Variants in SPAST observed in about 807,000 individuals in gnomAD.
The protein encoded by SPAST is spastin, also known as spastic paraplegia 4 (autosomal dominant; spastin).
SPAST carries 30 observed loss-of-function variants against 76.6 expected under a neutral mutation model. That is an observed-to-expected ratio of 0.39 (90% CI 0.29 to 0.53). The LOEUF is 0.53. Among genes scored for constraint, SPAST ranks in the 20% least tolerant of loss-of-function variants. The pLI is 0.68. For synonymous variants in SPAST, 305 were observed against 281.0 expected (o/e 1.09, Z -0.86); for missense variants, 717 against 770.5 (o/e 0.93, Z 0.82).
intron 7 of SPAST, among the ~76,000 whole-genome samples, chr2:32,123,272 A>G (rs1027997120): frequency 2.6e-5 from 4 of 151,310 alleles, no homozygotes; most frequent in African/African-American, 9.7e-5. Context: ...AAAAAAAAAA[A>G]CACAATACCT....
At chr2:32,106,163 G>C (rs1678311943) in intron 4 of SPAST, among the ~76,000 whole-genome samples, 1 of 152,194 alleles carries the variant, frequency 6.6e-6, no homozygotes, top group South Asian at 2.1e-4. Flanking sequence ...AGCAATGGCA[G>C]ATGCCCCCGC....
chr2:32,070,583 G>T (rs1676707765), intron 1 of SPAST, among the ~76,000 whole-genome samples: 1 of 152,176 alleles, frequency 6.6e-6, no homozygotes, highest in Admixed American at 6.5e-5. Flanking sequence ...AGTGAGATGT[G>T]TTAAAACATT....
intron 3 of SPAST, among the ~76,000 whole-genome samples, chr2:32,097,180 G>A (rs545883696): frequency 6.6e-5 from 10 of 152,312 alleles, no homozygotes; most frequent in Admixed American, 5.2e-4. Context: ...TGCAGCAGTA[G>A]TTTAGAGTGT....
At chr2:32,141,760 T>C in intron 12 of SPAST, 144 bp from the exon 13 acceptor site, 1 of 655,406 alleles carries the variant, frequency 1.5e-6, no homozygotes, top group Non-Finnish European at 2.6e-6. Flanking sequence ...TTTAAAAGAG[T>C]AACAAAAATA....
At chr2:32,147,618 TTTTG>T (rs71407418) in intron 16 of SPAST, among the ~76,000 whole-genome samples, 4,730 of 118,910 alleles carry the variant, frequency 0.04, 136 homozygotes, top group African/African-American at 0.1. Context: ...CATCTGGCTG[TTTTG>T]TTTGTTTGTT....
intron 1 of SPAST, among the ~76,000 whole-genome samples, chr2:32,072,129 G>A (rs1169813183): frequency 2.0e-5 from 3 of 152,076 alleles, no homozygotes; most frequent in South Asian, 4.1e-4. Flanking sequence ...TGCAAGCTCC[G>A]CCTCCTGTGT....
chr2:32,133,935 C>G (rs1679452271), intron 9 of SPAST, among the ~76,000 whole-genome samples: 1 of 152,144 alleles, frequency 6.6e-6, no homozygotes, highest in Admixed American at 6.5e-5. Context: ...TTAAAATGTT[C>G]TCAATATTCT....
chr2:32,143,766 T>C (rs1227887932), intron 14 of SPAST, among the ~76,000 whole-genome samples: 1 of 152,136 alleles, frequency 6.6e-6, no homozygotes, highest in Non-Finnish European at 1.5e-5. Flanking sequence ...GAGTCAGGAA[T>C]GGTGGCACAT....
At chr2:32,131,361 G>A (rs185311583) in intron 9 of SPAST, among the ~76,000 whole-genome samples, 338 of 152,282 alleles carry the variant, frequency 2.2e-3, no homozygotes, top group Admixed American at 4.2e-3. Flanking sequence ...CATATTCATT[G>A]ATAGGATTAT....
chr2:32,086,015 C>G (rs1677460112), intron 1 of SPAST, among the ~76,000 whole-genome samples: 1 of 151,194 alleles, frequency 6.6e-6, no homozygotes, highest in Non-Finnish European at 1.5e-5. Flanking sequence ...GCACTGCAGC[C>G]TGGGCTACAG....
At chr2:32,104,115 G>A (rs1678227626) in intron 4 of SPAST, among the ~76,000 whole-genome samples, 2 of 152,250 alleles carry the variant, frequency 1.3e-5, no homozygotes, top group Admixed American at 1.3e-4. Flanking sequence ...CTAGGGACTT[G>A]CTTTATGAAT....
intron 3 of SPAST, among the ~76,000 whole-genome samples, chr2:32,094,986 T>A (rs954195740): frequency 6.6e-6 from 1 of 152,134 alleles, no homozygotes; most frequent in Admixed American, 6.6e-5. Flanking sequence ...GAAAAAAAGA[T>A]TTTTAGGAAA....
chr2:32,116,271 T>G (rs1678832056), intron 7 of SPAST, 59 bp downstream of exon 7: 2 of 1,012,330 alleles, frequency 2.0e-6, no homozygotes, highest in African/African-American at 3.2e-5. Flanking sequence ...TCCATAGTAG[T>G]AGTAGTAGTA....
chr2:32,117,531 C>CTT (rs11431890), intron 7 of SPAST, among the ~76,000 whole-genome samples: 2,727 of 127,532 alleles, frequency 0.021, 114 homozygotes, highest in African/African-American at 0.071. Flanking sequence ...TAGAATAATT[C>CTT]TTTTTTTTTT....
intron 9 of SPAST, among the ~76,000 whole-genome samples, chr2:32,135,474 G>C (rs570792053): frequency 1.3e-5 from 2 of 152,162 alleles, no homozygotes; most frequent in South Asian, 4.1e-4. Context: ...CATTTCTTTT[G>C]TTTTTAAGTT....
chr2:32,146,567 TTAAAAAG>T (rs1173883731), intron 15 of SPAST, among the ~76,000 whole-genome samples: 1 of 148,626 alleles, frequency 6.7e-6, no homozygotes, highest in African/African-American at 2.5e-5. Context: ...AGGTGCTGTC[TTAAAAAG>T]TAAATAAATA....
intron 1 of SPAST, among the ~76,000 whole-genome samples, chr2:32,079,019 T>C (rs1677089805): frequency 6.6e-6 from 1 of 151,956 alleles, no homozygotes; most frequent in African/African-American, 2.4e-5. Context: ...TATTTTTATT[T>C]TGGTAGAGAT....
chr2:32,141,193 C>A lies in SPAST; in HGVS notation c.1494-711C>A, dbSNP rs530996170. On this transcript the variant is annotated intron_variant, in intron 12 of 16. Coordinates refer to ENST00000315285, the MANE Select transcript of SPAST (RefSeq NM_014946.4). Reference sequence around the variant, plus strand: ...TAAGAGATAGGGTTGATTTATTCTTCTACTAAAAAATATTGGTCACTGCAA... The same window carrying A: ...TAAGAGATAGGGTTGATTTATTCTTATACTAAAAAATATTGGTCACTGCAA... Among the ~76,000 whole-genome samples, 30 of 152,224 alleles carry A rather than the reference C, an allele frequency of 2.0e-4. 1 individual carries two copies. The highest frequency in any genetic ancestry group is 6.5e-4 in the African/African-American group (27 of 41,546).
chr2:32,127,903 CTCTTCCTAT>C (rs1346138321), intron 8 of SPAST: 1 of 153,268 alleles, frequency 6.5e-6, no homozygotes, highest in African/African-American at 2.4e-5. Flanking sequence ...AGAAGCACAG[CTCTTCCTAT>C]AACCTGTCCT....
Sources: gnomAD v4.1 joint callset for allele counts (sites outside exome capture counted in the v4.1 genomes callset) on GRCh38, gnomAD v4.1.1 for gene constraint, MANE v1.5 for transcripts, NCBI Gene and HGNC (gene_info 2026-07-23, HGNC 2026-07-21) for gene names.